The following AMBRA1 variants were observed in gnomAD, a reference collection of about 807,000 sequenced individuals.
AMBRA1 encodes autophagy and beclin 1 regulator 1, also known as activating molecule in BECN1-regulated autophagy protein 1.
AMBRA1 carries 47 observed loss-of-function variants against 125.4 expected under a neutral mutation model. The observed-to-expected ratio is 0.37, with a 90% confidence interval of 0.30 to 0.48. The LOEUF is 0.48. Among genes scored for constraint, AMBRA1 ranks in the 20% least tolerant of loss-of-function variants. The pLI is 0.99. For missense variants in AMBRA1, 1,331 were observed against 1,693.4 expected (o/e 0.79, Z 3.76); for synonymous variants, 626 against 655.5 (o/e 0.95, Z 0.69).
chr11:46,515,590 G>A (rs746939545), intron 7 of AMBRA1, among the ~76,000 whole-genome samples: 4 of 152,218 alleles, frequency 2.6e-5, no homozygotes, highest in Non-Finnish European at 5.9e-5. Context: ...TACTGAGTGA[G>A]ATGAGATGAT....
chr11:46,504,257 C>T (rs1209285782), intron 9 of AMBRA1, among the ~76,000 whole-genome samples: 1 of 152,172 alleles, frequency 6.6e-6, no homozygotes, highest in East Asian at 1.9e-4. Flanking sequence ...GCAAGCATAG[C>T]TGGAATAATT....
chr11:46,590,246 C>T (rs1237050287), intron 1 of AMBRA1, among the ~76,000 whole-genome samples: 1 of 151,642 alleles, frequency 6.6e-6, no homozygotes, highest in Non-Finnish European at 1.5e-5. Flanking sequence ...TGGTGCGCAC[C>T]TGTAGTCCAC....
intron 14 of AMBRA1, chr11:46,428,592 C>CTTT (rs71038902): frequency 5.4e-5 from 52 of 955,526 alleles, no homozygotes; most frequent in African/African-American, 1.5e-4. Context: ...TCTTCTTCTT[C>CTTT]TTTTTTTTTT....
rs550162667 is a variant in AMBRA1, at chr11:46,399,321, G to A, written c.3404-1378C>T. On this transcript the variant is annotated intron_variant, in intron 17 of 17. Coordinates refer to ENST00000683756, the MANE Select transcript of AMBRA1 (RefSeq NM_001387011.1). ...ACTCCTGACCTCAGGTAATCTGCCT[G>A]CCTCAGCCTCCCAAAAGGCTGGGAT... Among the ~76,000 whole-genome samples, 3 of 152,224 alleles carry A rather than the reference G, an allele frequency of 2.0e-5. No homozygotes were observed. The South Asian group carries it at 6.2e-4, about 32-fold the overall frequency.
intron 14 of AMBRA1, among the ~76,000 whole-genome samples, chr11:46,431,381 G>A (rs970707181): frequency 1.3e-5 from 2 of 152,204 alleles, no homozygotes; most frequent in African/African-American, 2.4e-5. Context: ...GACAGCCAGG[G>A]GCTGACTGGA....
intron 11 of AMBRA1, among the ~76,000 whole-genome samples, chr11:46,447,713 TAGATAGATAGATAGATAGA>T (rs1196674225): frequency 6.8e-3 from 1 of 148 alleles, no homozygotes; most frequent in East Asian, 0.1. Context: ...ATCTTGTAGA[TAGATAGATAGATAGATAGA>T]TAGATAGATA....
At chr11:46,403,294 G>C (rs530571172) in intron 17 of AMBRA1, among the ~76,000 whole-genome samples, 99 of 152,300 alleles carry the variant, frequency 6.5e-4, no homozygotes, top group African/African-American at 2.4e-3. Context: ...TGGGAGTACT[G>C]GTCTTCCAGC....
chr11:46,434,136 AAG>A (rs1947595666), intron 13 of AMBRA1, among the ~76,000 whole-genome samples: 1 of 151,092 alleles, frequency 6.6e-6, no homozygotes, highest in African/African-American at 2.4e-5. Context: ...AAAAAAAAAA[AAG>A]AAAGAAAGTA....
intron 11 of AMBRA1, among the ~76,000 whole-genome samples, chr11:46,447,532 C>T (rs1387311481): frequency 6.6e-6 from 1 of 151,956 alleles, no homozygotes; most frequent in South Asian, 2.1e-4. Flanking sequence ...AAGATTCTGT[C>T]TCAAAAAACC....
chr11:46,532,731 G>A (rs921286630), intron 7 of AMBRA1, among the ~76,000 whole-genome samples: 4 of 152,106 alleles, frequency 2.6e-5, no homozygotes, highest in Admixed American at 1.3e-4. Context: ...CACAGTGCCC[G>A]GCCTTAAGAG....
chr11:46,573,371 T>A (rs2043835450), intron 1 of AMBRA1, among the ~76,000 whole-genome samples: 1 of 149,522 alleles, frequency 6.7e-6, no homozygotes, highest in Non-Finnish European at 1.5e-5. Context: ...GCCACTACAC[T>A]CCAGCCTGGG....
intron 9 of AMBRA1, among the ~76,000 whole-genome samples, chr11:46,499,801 G>A (rs1466594554): frequency 3.3e-5 from 5 of 152,020 alleles, no homozygotes; most frequent in South Asian, 2.1e-4. Flanking sequence ...GTTTACAGGC[G>A]CCCGCCACCA....
At chr11:46,482,105 G>C (rs1950094448) in intron 11 of AMBRA1, among the ~76,000 whole-genome samples, 1 of 152,138 alleles carries the variant, frequency 6.6e-6, no homozygotes, top group Non-Finnish European at 1.5e-5. Context: ...TTTTTGCTTA[G>C]GATTGCTTTG....
intron 1 of AMBRA1, among the ~76,000 whole-genome samples, chr11:46,572,569 A>T (rs543782122): frequency 1.4e-4 from 21 of 152,326 alleles, no homozygotes; most frequent in South Asian, 1.0e-3. Context: ...TACAGTAGGT[A>T]AAGAACTGCC....
At chr11:46,450,440 T>C (rs992018362) in intron 11 of AMBRA1, among the ~76,000 whole-genome samples, 1 of 152,024 alleles carries the variant, frequency 6.6e-6, no homozygotes, top group African/African-American at 2.4e-5. Flanking sequence ...ACAAGATTTT[T>C]TTTTTTTTTC....
chr11:46,489,241 CG>C (rs919298604), intron 11 of AMBRA1, among the ~76,000 whole-genome samples: 15 of 152,136 alleles, frequency 9.9e-5, no homozygotes, highest in Non-Finnish European at 2.2e-4. Context: ...CAACAGGCCC[CG>C]GTGTGTGATG....
chr11:46,516,120 T>C (rs1382324236), intron 7 of AMBRA1, among the ~76,000 whole-genome samples: 1 of 152,174 alleles, frequency 6.6e-6, no homozygotes, highest in Non-Finnish European at 1.5e-5. Flanking sequence ...GGAACACGCA[T>C]CCCCTGTGCC....
intron 15 of AMBRA1, among the ~76,000 whole-genome samples, chr11:46,414,225 T>A (rs1946424942): frequency 2.0e-5 from 3 of 152,184 alleles, no homozygotes; most frequent in Admixed American, 2.0e-4. Context: ...CGGGAGAGGA[T>A]CAGACCAAAG....
At chr11:46,586,350 A>C (rs907145564) in intron 1 of AMBRA1, among the ~76,000 whole-genome samples, 1 of 152,202 alleles carries the variant, frequency 6.6e-6, no homozygotes, top group Non-Finnish European at 1.5e-5. Context: ...CAGAGGCTGC[A>C]ATGAGCCAAG....
Sources: allele counts gnomAD v4.1 joint callset (sites outside exome capture counted in the v4.1 genomes callset), GRCh38; gene constraint gnomAD v4.1.1; transcripts MANE v1.5; gene names NCBI Gene and HGNC (gene_info 2026-07-23, HGNC 2026-07-21).